The following TEPSIN variants were observed in gnomAD, a reference collection of about 807,000 sequenced individuals.
The protein encoded by TEPSIN is TEPSIN adaptor related protein complex 4 accessory protein, also known as AP-4 complex accessory subunit tepsin.
A neutral mutation model predicts 48.5 loss-of-function variants in TEPSIN; 50 were observed. The observed-to-expected ratio is 1.03, with a 90% CI of 0.82 to 1.31. The LOEUF (loss-of-function observed/expected upper bound fraction) is 1.31. TEPSIN is among the 50% of genes most tolerant of loss of function. The pLI is 0.00. For missense variants in TEPSIN, 838 were observed against 815.9 expected (o/e 1.03, Z -0.33); for synonymous variants, 392 against 358.8 (o/e 1.09, Z -1.05).
chr17:81,238,828 G>A, intron 1 of TEPSIN, 158 bp downstream of exon 1: 2 of 1,332,498 alleles, frequency 1.5e-6, no homozygotes, highest in Non-Finnish European at 1.9e-6. Flanking sequence ...GGCGCGGCGG[G>A]CGGGCAGCTC....
chr17:81,238,254 G>T, intron 1 of TEPSIN: 1 of 851,196 alleles, frequency 1.2e-6, no homozygotes, highest in Non-Finnish European at 1.4e-6. Context: ...CCTAAGGGGA[G>T]CTGCTGAGGT....
intron 4 of TEPSIN, among the ~76,000 whole-genome samples, chr17:81,235,068 A>C (rs796693765): frequency 2.2e-4 from 33 of 151,804 alleles, no homozygotes; most frequent in African/African-American, 7.7e-4. Context: ...CTTCGAGAAA[A>C]CCCACCTCCA....
intron 1 of TEPSIN, chr17:81,238,746 G>A: frequency 7.8e-7 from 1 of 1,285,230 alleles, no homozygotes. Flanking sequence ...TTCCCCCAGG[G>A]TCTGGCTGTG....
At chr17:81,232,554 A>G (rs1341239886) in intron 7 of TEPSIN, 36 bp from the exon 8 acceptor site, 9 of 1,505,564 alleles carry the variant, frequency 6.0e-6, no homozygotes, top group Non-Finnish European at 8.0e-6. Flanking sequence ...ACGGCCGCCC[A>G]GTGCGGCCCC....
chr17:81,238,019 G>C, intron 1 of TEPSIN: 1 of 994,532 alleles, frequency 1.0e-6, no homozygotes, highest in Non-Finnish European at 1.2e-6. Flanking sequence ...AAGATGTACG[G>C]TTTATAGGGA....
Position 81,234,020 on chromosome 17 carries a change from G to T in TEPSIN, c.336C>A (p.His112Gln). The T allele has an allele frequency of 1.9e-6, 3 of 1,596,844 alleles. No individual in the cohort carries two copies. Among genetic ancestry groups the T allele is most frequent in the Non-Finnish European group, 2.6e-6 (3 of 1,175,108 alleles). Residue 112 changes from histidine (H) to glutamine (Q), a missense_variant, in exon 5 of 13, where the codon CAC becomes CAA. His to Gln is a conservative substitution (Grantham distance 24). Coordinates refer to ENST00000637944, the MANE Select transcript of TEPSIN (RefSeq NM_001363764.2). The surrounding 1 kb of genome is among the most constrained non-coding windows in gnomAD (Gnocchi z 5.4). ...AAFAGPPDPLHGNSLYQKVRA... is the reference protein window; with the variant it reads ...AAFAGPPDPLQGNSLYQKVRA... ...GAACCTTCTGGTACAAGCTGTTCCC[G>T]TGCAGAGGATCTGGGGGCCCTGCAA...
At chr17:81,238,223 G>A in intron 1 of TEPSIN, 1 of 970,508 alleles carries the variant, frequency 1.0e-6, no homozygotes, top group Non-Finnish European at 1.2e-6. Flanking sequence ...ACGCATCACT[G>A]ACACTGTTTG....
At chr17:81,229,896 A>C in intron 12 of TEPSIN, 1 of 215,392 alleles carries the variant, frequency 4.6e-6, no homozygotes. Flanking sequence ...GGTGGTGCGA[A>C]CCCCAGGCTC....
At chr17:81,238,175 G>A (rs2062760495) in intron 1 of TEPSIN, 2 of 985,614 alleles carry the variant, frequency 2.0e-6, no homozygotes, top group African/African-American at 1.7e-5. Flanking sequence ...GACAACATAC[G>A]AAAACGTGGA....
At chr17:81,237,353 C>T (rs765153784) in intron 2 of TEPSIN, 34 bp downstream of exon 2, 9 of 1,603,156 alleles carry the variant, frequency 5.6e-6, no homozygotes, top group Non-Finnish European at 7.7e-6. Flanking sequence ...GCCATCCGCT[C>T]TTTCCACTAC....
chr17:81,236,873 C>T (rs2146851682), intron 3 of TEPSIN, 72 bp from the exon 4 acceptor site: 1 of 1,537,992 alleles, frequency 6.5e-7, no homozygotes, highest in South Asian at 1.2e-5. Context: ...CCGGGGGCAC[C>T]CCAAGGGCAC....
rs751983218 is a variant in TEPSIN at position 81,233,702 on chromosome 17, G to A, written c.390C>T (p.Thr130=). 15 of 1,599,360 alleles carry A rather than the reference G, an allele frequency of 9.4e-6. No homozygotes were observed. In the South Asian group the frequency reaches 1.7e-4, roughly 18 times the overall value. ...GCGGCAACACGGTGTCCGAGAACAG[G>A]GTGCTCCCCAAGTCCTACAGGGGGA... ...VRAAAQDLGS[T]LFSDTVLPLA... The change falls in exon 6 of 13, where the codon ACC becomes ACT. Residue 130 remains threonine, a synonymous_variant. Coordinates refer to ENST00000637944, the MANE Select transcript of TEPSIN (RefSeq NM_001363764.2). The surrounding 1 kb of genome is among the most constrained non-coding windows in gnomAD (Gnocchi z 5.8).
intron 7 of TEPSIN, 186 bp from the exon 8 acceptor site, chr17:81,232,704 A>C: frequency 1.7e-6 from 1 of 580,190 alleles, no homozygotes; most frequent in South Asian, 2.3e-5. Flanking sequence ...CCGCTTTGGC[A>C]TTCCCACTCC....
rs759143670 is a variant in TEPSIN, at chr17:81,230,593, T to C, written c.1184A>G (p.Gln395Arg). 6 of 1,610,706 alleles carry C rather than the reference T, an allele frequency of 3.7e-6. No individual in the cohort carries two copies. Among genetic ancestry groups the C allele is most frequent in the Non-Finnish European group, 8.5e-7 (1 of 1,178,644 alleles). Residue 395 changes from glutamine to arginine, a missense_variant, in exon 12 of 13, where the codon CAG becomes CGG. Gln to Arg is a conservative substitution (Grantham distance 43). Coordinates refer to ENST00000637944, the MANE Select transcript of TEPSIN (RefSeq NM_001363764.2). This position sits in a 1 kb window ranked among gnomAD's most constrained non-coding sequence, Gnocchi z 4.2. The part of the protein sequence containing the change: ...HILLRTRPWL[Q>R]ELSMGSPGPV... Reference sequence around the variant, plus strand: ...TCCCGGGCTGCCCATGCTGAGCTCCTGCAGCCACGGCCGGGTGCGGAGGAG... The same window carrying C: ...TCCCGGGCTGCCCATGCTGAGCTCCCGCAGCCACGGCCGGGTGCGGAGGAG...
chr17:81,233,347 G>C lies in TEPSIN; in HGVS notation c.526+85C>G, dbSNP rs2062657085. 1.3e-6 allele frequency: 2 copies of C among 1,491,376 alleles called. No homozygotes were observed. Among genetic ancestry groups the C allele is most frequent in the East Asian group, 2.4e-5 (1 of 42,544 alleles). 92.4% of individuals were successfully genotyped at this position (1,491,376 alleles called of 1,614,324 possible). A position where few individuals can be genotyped will look rare whatever the true frequency, so the allele number is the denominator to read the frequency against. The stretch of plus-strand genomic sequence containing the variant: ...AGGGGACGGGGGACAGCAGCTACTA[G>C]ATGGGGCGGCATGGTCCGGCCCCCA... On this transcript the variant is annotated intron_variant, in intron 7 of 12. Transcript: ENST00000637944. This position sits in a 1 kb window ranked among gnomAD's most constrained non-coding sequence, Gnocchi z 5.8.
At chr17:81,238,202 A>G in intron 1 of TEPSIN, 1 of 985,342 alleles carries the variant, frequency 1.0e-6, no homozygotes, top group Non-Finnish European at 1.2e-6. Context: ...GTGTTTCCCG[A>G]GGCTGTGGAC....
chr17:81,228,810 T>C lies in TEPSIN; in HGVS notation c.*118A>G, dbSNP rs2146815763. On this transcript the variant is annotated 3_prime_UTR_variant, in exon 13 of 13. Transcript: ENST00000637944. ...GGGGGAAACTGAGGTAGCCCTAGGG[T>C]CGTCCTCTCAAGTCAAGCTGCCTGG... 11 of 1,254,902 alleles carry C rather than the reference T, an allele frequency of 8.8e-6. No individual in the cohort carries two copies. The South Asian group carries it at 1.5e-4, about 17-fold the overall frequency. 77.7% of individuals were successfully genotyped at this position (1,254,902 alleles called of 1,614,324 possible). A position where few individuals can be genotyped will look rare whatever the true frequency, so the allele number is the denominator to read the frequency against.
intron 12 of TEPSIN, 122 bp from the exon 13 acceptor site, chr17:81,229,598 G>A (rs1363980685): frequency 9.6e-7 from 1 of 1,046,996 alleles, no homozygotes; most frequent in African/African-American, 1.6e-5. Context: ...CCACCTCTGG[G>A]CAGGACACCG....
In TEPSIN at chr17:81,233,530, A is replaced by G; in HGVS notation, c.455-27T>C. The G allele has an allele frequency of 8.9e-6, 14 of 1,572,954 alleles. No individual in the cohort carries two copies. The highest frequency in any genetic ancestry group is 1.2e-5 in the Non-Finnish European group (14 of 1,156,842). On this transcript the variant is annotated intron_variant, in intron 6 of 12. Coordinates refer to ENST00000637944, the MANE Select transcript of TEPSIN (RefSeq NM_001363764.2). The surrounding 1 kb of genome is among the most constrained non-coding windows in gnomAD (Gnocchi z 5.8). Reference sequence around the variant, plus strand: ...TGCAGAGGGTCCTCCGTTAGCAGCAAGCCGGCCCCCACCCTCGGCCCTGCC... The same window carrying G: ...TGCAGAGGGTCCTCCGTTAGCAGCAGGCCGGCCCCCACCCTCGGCCCTGCC...
Sources: allele counts gnomAD v4.1 joint callset (sites outside exome capture counted in the v4.1 genomes callset), GRCh38; gene constraint gnomAD v4.1.1; non-coding constraint Gnocchi (gnomAD v3.1); transcripts MANE v1.5; gene names NCBI Gene and HGNC (gene_info 2026-07-23, HGNC 2026-07-21).